Variants in FGF12 observed in about 807,000 individuals in gnomAD.
The protein encoded by FGF12 is fibroblast growth factor 12B.
A neutral mutation model predicts 23.6 loss-of-function variants in FGF12; 14 were observed. The observed-to-expected ratio is 0.59, with a 90% CI of 0.39 to 0.93. FGF12 has a LOEUF of 0.93. FGF12 is among the 40% of genes least tolerant of loss of function. FGF12 has a pLI of 0.00. For missense variants in FGF12, 175 were observed against 217.8 expected (o/e 0.80, Z 1.24); for synonymous variants, 62 against 77.3 (o/e 0.80, Z 1.04).
At chr3:192,363,824 C>T (rs901275922) in intron 2 of FGF12, among the ~76,000 whole-genome samples, 3 of 152,214 alleles carry the variant, frequency 2.0e-5, no homozygotes, top group Admixed American at 1.3e-4. Context: ...GCATATCCAG[C>T]ATCCTGGGTA....
In FGF12 at chr3:192,156,238, G is replaced by A. The variant is rs115524456; in HGVS notation, c.428-12111C>T. Among the ~76,000 whole-genome samples the A allele has an allele frequency of 3.3e-3, 496 of 152,196 alleles. 5 individuals carry two copies. The highest frequency in any genetic ancestry group is 9.0e-3 in the African/African-American group (375 of 41,520). Reference sequence around the variant, plus strand: ...GAAACAGAAACTCCCTATCTTTCTTGTCTTCCCAGTTCCCCAATCCTGTTC... The same window carrying A: ...GAAACAGAAACTCCCTATCTTTCTTATCTTCCCAGTTCCCCAATCCTGTTC... On this transcript the variant is annotated intron_variant, in intron 5 of 5. Coordinates refer to ENST00000445105, the MANE Select transcript of FGF12 (RefSeq NM_004113.6).
chr3:192,438,843 C>G (rs1722106224), intron 2 of FGF12, among the ~76,000 whole-genome samples: 1 of 152,160 alleles, frequency 6.6e-6, no homozygotes, highest in Non-Finnish European at 1.5e-5. Flanking sequence ...CTTTACAAAG[C>G]CCCCCGGTTT....
chr3:192,542,898 AG>A (rs1331085100), intron 2 of FGF12, among the ~76,000 whole-genome samples: 1 of 152,120 alleles, frequency 6.6e-6, no homozygotes, highest in East Asian at 1.9e-4. Context: ...GCTAGAAGAG[AG>A]GTGACACAAA....
intron 2 of FGF12, among the ~76,000 whole-genome samples, chr3:192,636,929 T>C (rs570257361): frequency 6.6e-6 from 1 of 152,238 alleles, no homozygotes; most frequent in African/African-American, 2.4e-5. Flanking sequence ...TGTTAACTAC[T>C]GATTAGGGAG....
intron 2 of FGF12, among the ~76,000 whole-genome samples, chr3:192,404,046 A>C (rs1042293050): frequency 6.6e-6 from 1 of 152,210 alleles, no homozygotes; most frequent in African/African-American, 2.4e-5. Flanking sequence ...TTTACCATGT[A>C]GTGTAATTCT....
intron 5 of FGF12, 74 bp downstream of exon 5, chr3:192,170,384 C>CA: frequency 1.5e-6 from 2 of 1,308,176 alleles, no homozygotes; most frequent in Non-Finnish European, 2.2e-6. Context: ...CTCTCTGGAC[C>CA]AAAAGGGCAA....
At chr3:192,148,720 A>G (rs369243886) in intron 5 of FGF12, among the ~76,000 whole-genome samples, 27 of 152,338 alleles carry the variant, frequency 1.8e-4, no homozygotes, top group African/African-American at 6.5e-4. Flanking sequence ...CCATTTGCAT[A>G]GGAAGAGCCA....
chr3:192,372,803 A>G (rs1719294317), intron 2 of FGF12, among the ~76,000 whole-genome samples: 1 of 152,168 alleles, frequency 6.6e-6, no homozygotes, highest in Admixed American at 6.5e-5. Context: ...TTCATTTACA[A>G]GAAAACGTCA....
At chr3:192,676,195 G>A (rs181295185) in intron 2 of FGF12, among the ~76,000 whole-genome samples, 2 of 152,316 alleles carry the variant, frequency 1.3e-5, no homozygotes, top group South Asian at 2.1e-4. Context: ...CTTGGAATCT[G>A]TTGGAGCAAC....
At chr3:192,718,989 A>T (rs889167185) in intron 2 of FGF12, among the ~76,000 whole-genome samples, 5 of 139,606 alleles carry the variant, frequency 3.6e-5, no homozygotes, top group Non-Finnish European at 4.6e-5. Flanking sequence ...AAACCGAGTT[A>T]AAAAAAAAAA....
intron 4 of FGF12, among the ~76,000 whole-genome samples, chr3:192,264,444 C>T (rs1712950590): frequency 6.6e-6 from 1 of 151,872 alleles, no homozygotes; most frequent in Non-Finnish European, 1.5e-5. Flanking sequence ...AGCTTGCATT[C>T]ATAACAGATA....
chr3:192,308,202 A>G (rs1033771074), intron 4 of FGF12, among the ~76,000 whole-genome samples: 2 of 152,194 alleles, frequency 1.3e-5, no homozygotes, highest in Non-Finnish European at 2.9e-5. Flanking sequence ...ACCAGACAGT[A>G]AAAGAACAAA....
chr3:192,727,150 G>T, intron 2 of FGF12, 31 bp downstream of exon 2: 13 of 1,569,934 alleles, frequency 8.3e-6, no homozygotes, highest in South Asian at 1.2e-5. Flanking sequence ...CACATGCAGC[G>T]GGAAGTCCCC....
chr3:192,585,821 G>A (rs6762450), intron 2 of FGF12, among the ~76,000 whole-genome samples: 4,882 of 152,178 alleles, frequency 0.032, 258 homozygotes, highest in African/African-American at 0.11. Flanking sequence ...TTATGTCTAA[G>A]AGTTTAGCTT....
At chr3:192,629,078 A>C (rs1166277059) in intron 2 of FGF12, among the ~76,000 whole-genome samples, 2 of 152,208 alleles carry the variant, frequency 1.3e-5, no homozygotes, top group Non-Finnish European at 2.9e-5. Flanking sequence ...TATGAATATA[A>C]GATAAAACAG....
At chr3:192,690,302 C>T (rs148908900) in intron 2 of FGF12, among the ~76,000 whole-genome samples, 72 of 151,802 alleles carry the variant, frequency 4.7e-4, no homozygotes, top group African/African-American at 1.7e-3. Context: ...TATAGTGCCA[C>T]TATAAAGATT....
intron 2 of FGF12, among the ~76,000 whole-genome samples, chr3:192,398,388 T>C (rs934424312): frequency 1.4e-5 from 2 of 146,458 alleles, no homozygotes; most frequent in Non-Finnish European, 3.0e-5. Flanking sequence ...TCTTTTTTCT[T>C]TTTTTTTTTT....
chr3:192,612,680 CATT>C, intron 2 of FGF12, among the ~76,000 whole-genome samples: 1 of 151,986 alleles, frequency 6.6e-6, no homozygotes, highest in Non-Finnish European at 1.5e-5. Context: ...TATGAAATAA[CATT>C]ATTAGGGCTA....
Position 192,374,723 on chromosome 3 carries a change from T to G in FGF12, c.14-14185A>C, listed in dbSNP as rs553737560. On this transcript the variant is annotated intron_variant, in intron 2 of 5. Coordinates refer to ENST00000445105, the MANE Select transcript of FGF12 (RefSeq NM_004113.6). ...CATTTTATAGATGTTAATACTAAGG[T>G]GCAAGTGAAGTGACTGCCCAATGGC... Among the ~76,000 whole-genome samples the G allele has an allele frequency of 2.0e-5, 3 of 152,238 alleles. No individual in the cohort carries two copies. The South Asian group carries it at 6.2e-4, about 32-fold the overall frequency.
Sources: allele counts gnomAD v4.1 joint callset (sites outside exome capture counted in the v4.1 genomes callset), GRCh38; gene constraint gnomAD v4.1.1; transcripts MANE v1.5; gene names NCBI Gene and HGNC (gene_info 2026-07-23, HGNC 2026-07-21).